LARGE1: variants seen among roughly 807,000 people sequenced by gnomAD.
The protein encoded by LARGE1 is LARGE xylosyl- and glucuronyltransferase 1, also known as xylosyl- and glucuronyltransferase LARGE1.
Under a neutral mutation model 87.6 loss-of-function variants are expected in LARGE1, and 43 were observed. That is an observed-to-expected ratio of 0.49 (90% CI 0.38 to 0.63). LARGE1 has a LOEUF of 0.63. Among genes scored for constraint, LARGE1 ranks in the 30% least tolerant of loss-of-function variants. The pLI, the probability that LARGE1 is intolerant of heterozygous loss-of-function variation, is 0.00. For missense variants in LARGE1, 802 were observed against 1,000.2 expected (o/e 0.80, Z 2.67); for synonymous variants, 434 against 394.6 (o/e 1.10, Z -1.18).
At chr22:33,130,405 A>G in the LARGE1 span, among the ~76,000 whole-genome samples, 1 of 149,130 alleles carries the variant, frequency 6.7e-6, no homozygotes, top group African/African-American at 2.5e-5. Flanking sequence ...CTCAAAAATC[A>G]CTTCAATCCA....
At chr22:33,605,691 G>A (rs921163337) in intron 4 of LARGE1, among the ~76,000 whole-genome samples, 2 of 152,162 alleles carry the variant, frequency 1.3e-5, no homozygotes, top group African/African-American at 2.4e-5. Flanking sequence ...GACATAAAGC[G>A]TAATGCCATG....
At chr22:33,078,684 T>C in the LARGE1 span, among the ~76,000 whole-genome samples, 1 of 152,226 alleles carries the variant, frequency 6.6e-6, no homozygotes. Flanking sequence ...CAACATTGAA[T>C]TAGCCTTTAT....
chr22:33,603,338 G>T (rs935627229), intron 5 of LARGE1, among the ~76,000 whole-genome samples: 2 of 152,174 alleles, frequency 1.3e-5, no homozygotes, highest in African/African-American at 4.8e-5. Context: ...GAGCATCAGT[G>T]CATTTCTGCA....
rs549977106 is a variant in LARGE1 at position 33,611,029 on chromosome 22, C to A, written c.492-6471G>T. Among the ~76,000 whole-genome samples, 4 of 152,320 alleles carry A rather than the reference C, an allele frequency of 2.6e-5. No individual in the cohort carries two copies. In the South Asian group the frequency reaches 6.2e-4, roughly 24 times the overall value. ...GTGAAGGAGGCTTGACAGCCTCTAC[C>A]AGATTTCAGAGAATGTATAAGAAAG... On this transcript the variant is annotated intron_variant, in intron 4 of 14. Transcript: ENST00000397394.
chr22:33,854,919 G>T (rs1164685683), intron 1 of LARGE1, among the ~76,000 whole-genome samples: 2 of 152,166 alleles, frequency 1.3e-5, no homozygotes, highest in Non-Finnish European at 2.9e-5. Context: ...TCCTTCACAA[G>T]CTTATGGCTG....
rs191680287 is a variant in LARGE1, at chr22:33,423,051, G to A, written c.892+9110C>T. On this transcript the variant is annotated intron_variant, in intron 7 of 14. Coordinates refer to ENST00000397394, the MANE Select transcript of LARGE1 (RefSeq NM_133642.5). ...GGTTTGAATAGTCACTGAACTTGGAGAACAAGTCAAGCGAAGATGGTACTT... is the reference window on the plus strand; with the variant it reads ...GGTTTGAATAGTCACTGAACTTGGAAAACAAGTCAAGCGAAGATGGTACTT... Among the ~76,000 whole-genome samples the A allele has an allele frequency of 4.1e-3, 612 of 150,968 alleles. 4 individuals are homozygous for A. The highest frequency in any genetic ancestry group is 6.4e-3 in the Non-Finnish European group (435 of 67,908).
intron 1 of LARGE1, among the ~76,000 whole-genome samples, chr22:33,908,850 C>T (rs567359282): frequency 2.6e-5 from 4 of 152,142 alleles, no homozygotes; most frequent in Non-Finnish European, 5.9e-5. Context: ...AAACACCAGC[C>T]GTCACAGGAA....
At chr22:33,673,168 G>A (rs182139451) in intron 2 of LARGE1, among the ~76,000 whole-genome samples, 2 of 152,054 alleles carry the variant, frequency 1.3e-5, no homozygotes, top group Admixed American at 6.5e-5. Context: ...CCATCTACTC[G>A]GGAGTCTGAA....
chr22:33,448,515 GAC>G (rs1291160009), intron 6 of LARGE1, among the ~76,000 whole-genome samples: 1 of 152,126 alleles, frequency 6.6e-6, no homozygotes, highest in Admixed American at 6.6e-5. Flanking sequence ...GGGGCTCCAG[GAC>G]ACAGTCTTCA....
intron 1 of LARGE1, among the ~76,000 whole-genome samples, chr22:33,883,619 C>G (rs573047463): frequency 1.3e-5 from 2 of 152,380 alleles, no homozygotes; most frequent in African/African-American, 2.4e-5. Flanking sequence ...CAATACTTTC[C>G]TAGGGGCTTG....
At chr22:33,312,823 G>A (rs75947870) in intron 11 of LARGE1, among the ~76,000 whole-genome samples, 2,800 of 152,304 alleles carry the variant, frequency 0.018, 39 homozygotes, top group Non-Finnish European at 0.028. Context: ...CACTGACATG[G>A]AGTATTCCAT....
exon 12 of LARGE1, chr22:33,164,847 A>T (rs1035348938): frequency 1.3e-5 from 2 of 152,184 alleles, no homozygotes; most frequent in African/African-American, 4.8e-5. Flanking sequence ...AAAAATTACC[A>T]CGAACTCTCA....
chr22:33,394,598 A>T (rs2065657509), intron 7 of LARGE1, among the ~76,000 whole-genome samples: 1 of 152,198 alleles, frequency 6.6e-6, no homozygotes, highest in South Asian at 2.1e-4. Context: ...TCCATTTTAC[A>T]GATGAAGAAA....
At chr22:33,276,021 C>T (rs934584751) in intron 14 of LARGE1, among the ~76,000 whole-genome samples, 14 of 152,158 alleles carry the variant, frequency 9.2e-5, no homozygotes, top group South Asian at 2.1e-4. Context: ...TCAACCCTAA[C>T]GCCTCTCAAT....
At position 33,626,302 on chromosome 22, in the gene LARGE1, C is replaced by T. The variant is rs574367881; in HGVS notation, c.433G>A (p.Ala145Thr). The change falls in exon 4 of 15, where the codon GCC (alanine) becomes ACC (threonine). Residue 145 changes from alanine (A) to threonine (T), a missense_variant. By Grantham distance (58) the Ala-to-Thr change is moderately conservative (BLOSUM62 0). This residue lies in a region of LARGE1 where 625 missense variants were observed against 841.9 expected (regional missense o/e 0.74). Coordinates refer to ENST00000397394, the MANE Select transcript of LARGE1 (RefSeq NM_133642.5). ...CETIHVAIVC[A>T]GYNASRDVVT... ...ACATCCCGGCTGGCATTGTATCCGG[C>T]GCAGACAATAGCAACGTGGATTGTC... 8 of 1,613,956 alleles carry T rather than the reference C, an allele frequency of 5.0e-6. No homozygotes were observed. The highest frequency in any genetic ancestry group is 4.0e-5 in the African/African-American group (3 of 75,016).
intron 1 of LARGE1, among the ~76,000 whole-genome samples, chr22:33,889,530 A>G (rs1174277522): frequency 6.6e-6 from 1 of 152,242 alleles, no homozygotes; most frequent in Non-Finnish European, 1.5e-5. Flanking sequence ...TAGCAGAGAC[A>G]TAAGTCAGGC....
chr22:33,199,375 A>T (rs189856406), intron 11 of LARGE1, among the ~76,000 whole-genome samples: 103 of 152,124 alleles, frequency 6.8e-4, no homozygotes, highest in African/African-American at 2.4e-3. Context: ...AGTCCCATTT[A>T]TCTACTTTAG....
At chr22:33,690,590 G>C (rs2082071797) in intron 2 of LARGE1, among the ~76,000 whole-genome samples, 1 of 151,870 alleles carries the variant, frequency 6.6e-6, no homozygotes, top group Non-Finnish European at 1.5e-5. Flanking sequence ...TGGAAAACAG[G>C]GAAGAAAAGA....
the LARGE1 span, among the ~76,000 whole-genome samples, chr22:33,115,417 T>C: frequency 5.4e-5 from 8 of 147,808 alleles, no homozygotes; most frequent in African/African-American, 2.0e-4. Flanking sequence ...TCTCCATCGC[T>C]CCTGCCTGGG....
Sources: gnomAD v4.1 joint callset for allele counts (sites outside exome capture counted in the v4.1 genomes callset) on GRCh38, gnomAD v4.1.1 for gene constraint, gnomAD v4.1.1 regional missense constraint, MANE v1.5 for transcripts, NCBI Gene and HGNC (gene_info 2026-07-23, HGNC 2026-07-21) for gene names.